GLI3: variants seen among roughly 807,000 people sequenced by gnomAD.
The protein encoded by GLI3 is GLI family zinc finger 3.
Under a neutral mutation model 100.8 loss-of-function variants are expected in GLI3, and 20 were observed. That is an observed-to-expected ratio of 0.20 (90% CI 0.14 to 0.29). The LOEUF is 0.29. GLI3 is among the 10% of genes least tolerant of loss of function. The pLI is 1.00. For missense variants in GLI3, 2,040 were observed against 2,128.5 expected (o/e 0.96, Z 0.82); for synonymous variants, 938 against 860.5 (o/e 1.09, Z -1.58).
chr7:42,044,404 C>T (rs1296810987), intron 6 of GLI3, among the ~76,000 whole-genome samples: 1 of 152,100 alleles, frequency 6.6e-6, no homozygotes, highest in African/African-American at 2.4e-5. Flanking sequence ...AAGAGATGAG[C>T]GCTCTGGAAT....
chr7:42,162,584 G>A (rs1787151028), intron 2 of GLI3, among the ~76,000 whole-genome samples: 2 of 152,184 alleles, frequency 1.3e-5, no homozygotes, highest in South Asian at 2.1e-4. Context: ...TTCCCAAGAA[G>A]AGTTGATGAA....
intron 10 of GLI3, among the ~76,000 whole-genome samples, chr7:42,018,968 T>C (rs1371588754): frequency 6.6e-6 from 1 of 152,184 alleles, no homozygotes; most frequent in East Asian, 1.9e-4. Context: ...TGCAGGGTTA[T>C]GCTGCTGGGG....
intron 1 of GLI3, among the ~76,000 whole-genome samples, chr7:42,247,362 A>G (rs546399146): frequency 1.3e-5 from 2 of 152,052 alleles, no homozygotes; most frequent in Non-Finnish European, 2.9e-5. Context: ...AACACCACTG[A>G]TGTGGTGATC....
Position 42,220,014 on chromosome 7 carries a change from A to C in GLI3, c.124+3116T>G, listed in dbSNP as rs979659160. On this transcript the variant is annotated intron_variant, in intron 2 of 14. Transcript: ENST00000395925. ...GACTACAGGCACCCGCCACACGCCC[A>C]GCTAATTTTTTATATTTTTAGTAGA... Among the ~76,000 whole-genome samples the C allele has an allele frequency of 3.3e-4, 50 of 151,940 alleles. No homozygotes were observed. In the South Asian group the frequency reaches 9.6e-3, roughly 29 times the overall value.
In GLI3 at chr7:41,965,907, G is replaced by T. The variant is rs767283434; in HGVS notation, c.3166C>A (p.Gln1056Lys). The T allele has an allele frequency of 6.2e-7, 1 of 1,613,504 alleles. No homozygotes were observed. The highest frequency in any genetic ancestry group is 8.5e-7 in the Non-Finnish European group (1 of 1,179,944). Reference sequence around the variant, plus strand: ...GGGGACGAGTGGAAGTTTCGGGACTGGCCGCCCTCGGGCCGCGTGTAATTC... The same window carrying T: ...GGGGACGAGTGGAAGTTTCGGGACTTGCCGCCCTCGGGCCGCGTGTAATTC... ...LQNYTRPEGG[Q>K]SRNFHSSPCP... is the part of the protein sequence containing the mutation. The change falls in exon 15 of 15, where the codon CAG becomes AAG. Residue 1056 changes from glutamine (Q) to lysine (K), a missense_variant. This residue lies in a region of GLI3 where 1,041 missense variants were observed against 924.0 expected (regional missense o/e 1.13). Coordinates refer to ENST00000395925, the MANE Select transcript of GLI3 (RefSeq NM_000168.6).
At chr7:42,168,421 C>T (rs1266365849) in intron 2 of GLI3, among the ~76,000 whole-genome samples, 1 of 152,188 alleles carries the variant, frequency 6.6e-6, no homozygotes, top group African/African-American at 2.4e-5. Flanking sequence ...CACAGGATCG[C>T]TCTTTGTAAC....
chr7:42,147,641 A>T (rs888159593), intron 3 of GLI3, among the ~76,000 whole-genome samples: 3 of 152,240 alleles, frequency 2.0e-5, no homozygotes, highest in Non-Finnish European at 2.9e-5. Flanking sequence ...CTTAAACGTG[A>T]TTAGTGCTGA....
chr7:42,190,391 A>G (rs1399523289), intron 2 of GLI3, among the ~76,000 whole-genome samples: 1 of 152,196 alleles, frequency 6.6e-6, no homozygotes, highest in African/African-American at 2.4e-5. Flanking sequence ...AAACATAGAC[A>G]GGAAAGAGTT....
intron 3 of GLI3, among the ~76,000 whole-genome samples, chr7:42,142,715 C>T (rs762037919): frequency 1.3e-5 from 2 of 151,528 alleles, no homozygotes; most frequent in Non-Finnish European, 2.9e-5. Context: ...TGCAATGCAG[C>T]TCTTTAAAAG....
At chr7:41,981,242 G>A (rs1397096191) in intron 10 of GLI3, among the ~76,000 whole-genome samples, 1 of 152,206 alleles carries the variant, frequency 6.6e-6, no homozygotes, top group African/African-American at 2.4e-5. Context: ...TGGCGAGAAG[G>A]CATGAGTTTT....
chr7:42,203,943 G>A (rs1583645290), intron 2 of GLI3, among the ~76,000 whole-genome samples: 1 of 152,110 alleles, frequency 6.6e-6, no homozygotes, highest in Admixed American at 6.5e-5. Flanking sequence ...AGGTTGCAAT[G>A]AGCCGAGATC....
At chr7:42,015,742 C>T (rs925797700) in intron 10 of GLI3, among the ~76,000 whole-genome samples, 1 of 151,980 alleles carries the variant, frequency 6.6e-6, no homozygotes, top group Non-Finnish European at 1.5e-5. Context: ...CACACGCACA[C>T]ACACACACCC....
chr7:42,167,392 C>T (rs1429514175), intron 2 of GLI3, among the ~76,000 whole-genome samples: 1 of 152,130 alleles, frequency 6.6e-6, no homozygotes, highest in African/African-American at 2.4e-5. Context: ...ATATTTAGCC[C>T]ATGCATATGA....
intron 2 of GLI3, among the ~76,000 whole-genome samples, chr7:42,163,714 A>C (rs1787181048): frequency 6.6e-6 from 1 of 152,054 alleles, no homozygotes; most frequent in Non-Finnish European, 1.5e-5. Flanking sequence ...ACAGGCGTGA[A>C]CTACCGTGCC....
At chr7:42,110,589 C>A (rs940934888) in intron 3 of GLI3, among the ~76,000 whole-genome samples, 1 of 152,048 alleles carries the variant, frequency 6.6e-6, no homozygotes, top group Non-Finnish European at 1.5e-5. Context: ...GTCAAAAACA[C>A]ATGCCCTGCA....
At chr7:42,097,769 C>T (rs1035077329) in intron 3 of GLI3, among the ~76,000 whole-genome samples, 5 of 152,150 alleles carry the variant, frequency 3.3e-5, no homozygotes, top group African/African-American at 1.2e-4. Context: ...TATGAGCCTA[C>T]GTTCCTCTCC....
intron 3 of GLI3, among the ~76,000 whole-genome samples, chr7:42,132,169 C>T (rs1042688536): frequency 3.3e-5 from 5 of 151,954 alleles, no homozygotes; most frequent in Non-Finnish European, 7.4e-5. Flanking sequence ...GGTTCAATCT[C>T]GGCTCACTGC....
At chr7:42,082,044 A>T (rs2128753374) in intron 3 of GLI3, among the ~76,000 whole-genome samples, 1 of 152,140 alleles carries the variant, frequency 6.6e-6, no homozygotes, top group South Asian at 2.1e-4. Context: ...CCTCAAACTC[A>T]TTCAATCATC....
intron 2 of GLI3, among the ~76,000 whole-genome samples, chr7:42,210,352 C>T (rs2877138): frequency 4.8e-5 from 2 of 41,334 alleles, no homozygotes; most frequent in African/African-American, 4.9e-5. Context: ...CCCCCCCCCC[C>T]CCAAGTTAAA....
Sources: gnomAD v4.1 joint callset for allele counts (sites outside exome capture counted in the v4.1 genomes callset) on GRCh38, gnomAD v4.1.1 for gene constraint, gnomAD v4.1.1 regional missense constraint, MANE v1.5 for transcripts, NCBI Gene and HGNC (gene_info 2026-07-23, HGNC 2026-07-21) for gene names.